The following PXDNL variants were observed in gnomAD, a reference collection of about 807,000 sequenced individuals.
PXDNL encodes the protein probable oxidoreductase PXDNL.
In PXDNL, 145 loss-of-function variants were observed where a neutral mutation model predicts 150.8. The ratio of observed to expected loss-of-function variants is 0.96; its 90% CI spans 0.84 to 1.10. The LOEUF (loss-of-function observed/expected upper bound fraction) is 1.10, where lower values mean the gene tolerates loss of function less well. Ranked by LOEUF, PXDNL falls within the 50% of genes least tolerant of loss-of-function variation. The probability of loss-of-function intolerance (pLI) is 0.00; values close to 1 mark genes in which losing one functional copy is unlikely to be tolerated. For missense variants in PXDNL, 2,087 were observed against 1,873.9 expected (o/e 1.11, Z -2.10); for synonymous variants, 757 against 725.7 (o/e 1.04, Z -0.69).
chr8:51,636,747 C>A (rs1296389088), intron 2 of PXDNL, among the ~76,000 whole-genome samples: 1 of 151,178 alleles, frequency 6.6e-6, no homozygotes, highest in Non-Finnish European at 1.5e-5. Flanking sequence ...GTTGAGATTA[C>A]AACTACCAAA....
At chr8:51,644,406 A>ACATATG (rs1554561840) in intron 2 of PXDNL, among the ~76,000 whole-genome samples, 30 of 23,306 alleles carry the variant, frequency 1.3e-3, no homozygotes, top group Non-Finnish European at 4.1e-3. Context: ...ATATATACAC[A>ACATATG]TGTGTGTGTA....
intron 5 of PXDNL, among the ~76,000 whole-genome samples, chr8:51,497,835 A>G (rs1811089066): frequency 6.6e-6 from 1 of 152,158 alleles, no homozygotes; most frequent in African/African-American, 2.4e-5. Context: ...TGTGGGTGGG[A>G]CTCTAAACTA....
chr8:51,520,261 T>C (rs1811632897), intron 4 of PXDNL, among the ~76,000 whole-genome samples: 2 of 152,170 alleles, frequency 1.3e-5, no homozygotes, highest in Non-Finnish European at 2.9e-5. Context: ...CCGCCCTATC[T>C]GCCCCTCTTC....
At position 51,551,134 on chromosome 8, in the gene PXDNL, T is replaced by C. The variant is rs1812472286; in HGVS notation, c.380+5706A>G. ...TATACCTAACCAAAGAGGTAAAAGA[T>C]CTCTAAAACAGAAACTAAAAAATGC... On this transcript the variant is annotated intron_variant, in intron 4 of 22. Transcript: ENST00000356297. 2.0e-5 allele frequency among the ~76,000 whole-genome samples: 3 copies of C among 151,852 alleles called. No individual in the cohort carries two copies. The South Asian group carries it at 6.2e-4, about 32-fold the overall frequency.
chr8:51,682,232 T>A (rs543571341), intron 1 of PXDNL, among the ~76,000 whole-genome samples: 89 of 152,250 alleles, frequency 5.8e-4, no homozygotes, highest in African/African-American at 2.0e-3. Context: ...TAGAAAAAAA[T>A]TCCAGCCAGG....
intron 2 of PXDNL, among the ~76,000 whole-genome samples, chr8:51,623,974 T>A (rs1419338835): frequency 2.6e-5 from 4 of 151,830 alleles, no homozygotes; most frequent in Non-Finnish European, 4.4e-5. Context: ...ATTCCTGTAG[T>A]CCCAGCTACT....
chr8:51,544,278 A>C (rs1038541070), intron 4 of PXDNL, among the ~76,000 whole-genome samples: 1 of 152,198 alleles, frequency 6.6e-6, no homozygotes, highest in East Asian at 1.9e-4. Flanking sequence ...TGAACACAGA[A>C]GCTCCAGCAG....
At chr8:51,789,029 T>C (rs965386680) in intron 1 of PXDNL, among the ~76,000 whole-genome samples, 2 of 151,350 alleles carry the variant, frequency 1.3e-5, no homozygotes, top group Admixed American at 6.6e-5. Flanking sequence ...CTTTTTCTTT[T>C]TTTTAATACC....
At chr8:51,423,072 G>A (rs1478487517) in intron 14 of PXDNL, among the ~76,000 whole-genome samples, 1 of 152,208 alleles carries the variant, frequency 6.6e-6, no homozygotes, top group Non-Finnish European at 1.5e-5. Context: ...ATTGGTGATA[G>A]AATGTAAAAA....
intron 9 of PXDNL, among the ~76,000 whole-genome samples, chr8:51,454,890 C>T (rs1258830977): frequency 6.6e-6 from 1 of 151,988 alleles, no homozygotes; most frequent in Non-Finnish European, 1.5e-5. Flanking sequence ...CAACATGCCT[C>T]GGAAAGAATT....
chr8:51,335,347 T>C (rs1328746597), intron 21 of PXDNL, among the ~76,000 whole-genome samples: 2 of 152,110 alleles, frequency 1.3e-5, no homozygotes, highest in East Asian at 1.9e-4. Context: ...GAGGCACTGA[T>C]ATAAGATTTG....
chr8:51,323,107 A>G (rs1254884397), intron 21 of PXDNL, among the ~76,000 whole-genome samples: 2 of 152,180 alleles, frequency 1.3e-5, no homozygotes, highest in East Asian at 1.9e-4. Flanking sequence ...ATCTCTAAAG[A>G]TATTAATGAA....
At chr8:51,739,052 A>G (rs534667375) in intron 1 of PXDNL, among the ~76,000 whole-genome samples, 1 of 152,306 alleles carries the variant, frequency 6.6e-6, no homozygotes, top group Admixed American at 6.5e-5. Context: ...CCCACGACCA[A>G]TTGAAATTTA....
Position 51,455,146 on chromosome 8 carries a change from A to AAAAAAAAAAGAG in PXDNL, c.983-1362_983-1361insCTCTTTTTTTTT, listed in dbSNP as rs1563419775. Among the ~76,000 whole-genome samples the AAAAAAAAAAGAG allele has an allele frequency of 1.5e-4, 23 of 149,176 alleles. 1 individual carries two copies. The highest frequency in any genetic ancestry group is 5.1e-4 in the African/African-American group (21 of 40,906). On this transcript the variant is annotated intron_variant, in intron 9 of 22. Coordinates refer to ENST00000356297, the MANE Select transcript of PXDNL (RefSeq NM_144651.5). ...AAAAAAAAAAAAAGAGGTAAGGGAA[A>AAAAAAAAAAGAG]GTATAGGGAAAGTTATTATAATAAT... is the stretch of plus-strand genomic sequence containing the variant.
intron 19 of PXDNL, among the ~76,000 whole-genome samples, chr8:51,370,880 A>C (rs1586043237): frequency 6.6e-6 from 1 of 152,222 alleles, no homozygotes; most frequent in Admixed American, 6.5e-5. Flanking sequence ...TACAGGCGTG[A>C]GCCTCCGCAC....
At chr8:51,537,978 A>G (rs1009820248) in intron 4 of PXDNL, among the ~76,000 whole-genome samples, 4 of 152,222 alleles carry the variant, frequency 2.6e-5, no homozygotes, top group African/African-American at 9.6e-5. Flanking sequence ...CAACTTAACA[A>G]TAGAGAATAT....
intron 4 of PXDNL, among the ~76,000 whole-genome samples, chr8:51,553,931 A>G (rs929466299): frequency 6.6e-6 from 1 of 151,970 alleles, no homozygotes; most frequent in African/African-American, 2.4e-5. Flanking sequence ...CTAAGCCATA[A>G]TGTGAGGAGT....
At chr8:51,717,870 C>T (rs1333074941) in intron 1 of PXDNL, among the ~76,000 whole-genome samples, 2 of 152,210 alleles carry the variant, frequency 1.3e-5, no homozygotes, top group Non-Finnish European at 2.9e-5. Context: ...CAAGCCACCA[C>T]CAGAGTCAGC....
At chr8:51,790,311 T>C (rs1389620277) in intron 1 of PXDNL, among the ~76,000 whole-genome samples, 1 of 152,092 alleles carries the variant, frequency 6.6e-6, no homozygotes, top group African/African-American at 2.4e-5. Context: ...GGCATTCAAA[T>C]GGCAAGTGTG....
Sources: gnomAD v4.1 joint callset for allele counts (sites outside exome capture counted in the v4.1 genomes callset) on GRCh38, gnomAD v4.1.1 for gene constraint, MANE v1.5 for transcripts, NCBI Gene and HGNC (gene_info 2026-07-23, HGNC 2026-07-21) for gene names.